Variants in FANCD2 observed in about 807,000 individuals in gnomAD.
FANCD2 encodes FA complementation group D2.
Under a neutral mutation model 192.3 loss-of-function variants are expected in FANCD2, and 131 were observed. The ratio of observed to expected loss-of-function variants is 0.68; its 90% CI spans 0.59 to 0.79. FANCD2 has a LOEUF of 0.79. FANCD2 is among the 30% of genes least tolerant of loss of function. FANCD2 has a pLI of 0.00. For missense variants in FANCD2, 1,508 were observed against 1,701.6 expected (o/e 0.89, Z 2.00); for synonymous variants, 524 against 612.5 (o/e 0.86, Z 2.13).
chr3:10,045,262 G>A (rs1431526849), intron 14 of FANCD2, among the ~76,000 whole-genome samples: 10 of 151,880 alleles, frequency 6.6e-5, no homozygotes, highest in Admixed American at 6.6e-4. Context: ...TCCGCCTCCT[G>A]GGTTCACGCC....
At chr3:10,068,165 A>C (rs901136431) in intron 26 of FANCD2, among the ~76,000 whole-genome samples, 31 of 152,182 alleles carry the variant, frequency 2.0e-4, no homozygotes, top group Admixed American at 8.5e-4. Flanking sequence ...AGAGAAAGAA[A>C]GAAAGGGCAT....
rs1695296799 is a variant in FANCD2 at position 10,101,457 on chromosome 3, C to T, written c.*195C>T. On this transcript the variant is annotated 3_prime_UTR_variant, in exon 44 of 44. Coordinates refer to ENST00000675286, the MANE Select transcript of FANCD2 (RefSeq NM_001018115.3). Reference sequence around the variant, plus strand: ...CTGGAGTGCAGTGCTGCAATCTTGGCTCACTGCAACCTCCATCTCCTAGGT... The same window carrying T: ...CTGGAGTGCAGTGCTGCAATCTTGGTTCACTGCAACCTCCATCTCCTAGGT... The T allele has an allele frequency of 3.7e-6, 2 of 537,088 alleles. No individual in the cohort carries two copies. The highest frequency in any genetic ancestry group is 6.6e-6 in the Non-Finnish European group (2 of 301,850). 33.3% of individuals were successfully genotyped at this position (537,088 alleles called of 1,614,324 possible).
At chr3:10,097,401 G>T (rs141097910) in intron 42 of FANCD2, among the ~76,000 whole-genome samples, 4 of 152,152 alleles carry the variant, frequency 2.6e-5, no homozygotes, top group Admixed American at 2.6e-4. Context: ...GTACACCCGG[G>T]GGGGCCCAGT....
At position 10,034,785 on chromosome 3, in the gene FANCD2, G is replaced by A. The variant is rs1343135667; in HGVS notation, c.364G>A (p.Asp122Asn). The part of the protein sequence containing the change: ...NCLLSCERLQ[D>N]EEASMGASYS... Reference sequence around the variant, plus strand: ...CCTTTTGTCTTGTGAGCGTCTGCAGGATGAGGAAGCCAGGTGTGGAGAGGA... The same window carrying A: ...CCTTTTGTCTTGTGAGCGTCTGCAGAATGAGGAAGCCAGGTGTGGAGAGGA... The change falls in exon 5 of 44, where the codon GAT becomes AAT. Residue 122 changes from aspartate (D) to asparagine (N), a missense_variant. This residue lies in a region of FANCD2 where 435 missense variants were observed against 421.9 expected (regional missense o/e 1.03). Coordinates refer to ENST00000675286, the MANE Select transcript of FANCD2 (RefSeq NM_001018115.3). 1 of 1,557,330 alleles carries A rather than the reference G, an allele frequency of 6.4e-7. No homozygotes were observed. Among genetic ancestry groups the A allele is most frequent in the Admixed American group, 1.9e-5 (1 of 51,366 alleles).
intron 29 of FANCD2, among the ~76,000 whole-genome samples, chr3:10,077,127 G>A (rs1344763591): frequency 7.0e-6 from 1 of 143,412 alleles, no homozygotes; most frequent in Non-Finnish European, 1.5e-5. Context: ...CAGCTACCTG[G>A]GCGGCTGAGG....
intron 42 of FANCD2, among the ~76,000 whole-genome samples, chr3:10,096,899 G>A (rs1159062648): frequency 6.6e-6 from 1 of 152,142 alleles, no homozygotes; most frequent in East Asian, 1.9e-4. Context: ...TGGGGGACCT[G>A]CCCCGATAAT....
chr3:10,040,304 G>A (rs938129292), intron 9 of FANCD2: 2 of 350,600 alleles, frequency 5.7e-6, no homozygotes, highest in Non-Finnish European at 1.1e-5. Flanking sequence ...CCAGAGTGCT[G>A]GGATTACAGG....
intron 26 of FANCD2, among the ~76,000 whole-genome samples, chr3:10,071,960 G>A (rs6772315): frequency 0.2 from 29,662 of 151,760 alleles, 3,329 homozygotes; most frequent in African/African-American, 0.31. Context: ...GGGTTTCACC[G>A]TGTTGGCCGG....
chr3:10,069,542 G>A (rs1029388585), intron 26 of FANCD2, among the ~76,000 whole-genome samples: 26 of 138,732 alleles, frequency 1.9e-4, no homozygotes, highest in Admixed American at 1.4e-3. Flanking sequence ...CTGCCATCTC[G>A]GCTCACTGCA....
chr3:10,076,710 C>T (rs780033027), intron 29 of FANCD2, among the ~76,000 whole-genome samples: 5 of 152,004 alleles, frequency 3.3e-5, no homozygotes, highest in African/African-American at 9.7e-5. Flanking sequence ...CCACTACACC[C>T]GGCTAGTTTT....
chr3:10,050,484 A>G (rs542328402), intron 17 of FANCD2, among the ~76,000 whole-genome samples: 23 of 151,954 alleles, frequency 1.5e-4, no homozygotes, highest in African/African-American at 2.7e-4. Context: ...TTAGCCGGGC[A>G]TCGTGGCGGT....
At chr3:10,073,825 TA>T (rs1693384899) in intron 28 of FANCD2, among the ~76,000 whole-genome samples, 1 of 152,168 alleles carries the variant, frequency 6.6e-6, no homozygotes, top group South Asian at 2.1e-4. Context: ...CCACATTTAA[TA>T]AAGGAGGAAA....
intron 2 of FANCD2, among the ~76,000 whole-genome samples, chr3:10,031,125 C>G (rs973506509): frequency 6.6e-6 from 1 of 152,164 alleles, no homozygotes; most frequent in East Asian, 1.9e-4. Context: ...AATGAACAAA[C>G]TGAAACTTTC....
intron 18 of FANCD2, among the ~76,000 whole-genome samples, chr3:10,055,348 A>C (rs2087377084): frequency 6.6e-6 from 1 of 152,068 alleles, no homozygotes; most frequent in Admixed American, 6.6e-5. Context: ...ACCCCCTAAT[A>C]ATCACTAATC....
intron 13 of FANCD2, 29 bp downstream of exon 13, chr3:10,043,621 G>T (rs1315430731): frequency 6.5e-7 from 1 of 1,540,232 alleles, no homozygotes; most frequent in East Asian, 2.2e-5. Flanking sequence ...TGATTATCAA[G>T]GAGGAAATGA....
chr3:10,096,562 C>CG, intron 42 of FANCD2, 90 bp downstream of exon 42: 1 of 1,217,486 alleles, frequency 8.2e-7, no homozygotes, highest in South Asian at 1.2e-5. Context: ...CCTAAGCCCT[C>CG]GTCTCTCAGT....
At chr3:10,026,882 G>C (rs1415226192) in intron 1 of FANCD2, among the ~76,000 whole-genome samples, 1 of 152,150 alleles carries the variant, frequency 6.6e-6, no homozygotes, top group Non-Finnish European at 1.5e-5. Context: ...GTTTAGCACA[G>C]GGCCCGGTAC....
intron 25 of FANCD2, 105 bp from the exon 26 acceptor site, chr3:10,067,104 A>G: frequency 1.3e-6 from 1 of 798,846 alleles, no homozygotes. Flanking sequence ...GACTAAACTC[A>G]AAGATCTTGC....
At chr3:10,091,996 C>T (rs556950880) in intron 37 of FANCD2, among the ~76,000 whole-genome samples, 185 bp from the exon 38 acceptor site, 1 of 152,322 alleles carries the variant, frequency 6.6e-6, no homozygotes, top group South Asian at 2.1e-4. Flanking sequence ...ATGAGGTGTT[C>T]TAATGTTACC....
Sources: gnomAD v4.1 joint callset for allele counts (sites outside exome capture counted in the v4.1 genomes callset) on GRCh38, gnomAD v4.1.1 for gene constraint, gnomAD v4.1.1 regional missense constraint, MANE v1.5 for transcripts, NCBI Gene and HGNC (gene_info 2026-07-23, HGNC 2026-07-21) for gene names.